The following OOSP3 variants were observed in gnomAD, a reference collection of about 807,000 sequenced individuals.
OOSP3 encodes oocyte secreted protein family member 3, also known as oocyte-secreted protein 3.
intron 2 of OOSP3, among the ~76,000 whole-genome samples, chr11:59,888,598 T>C (rs1853283191): frequency 6.6e-6 from 1 of 152,214 alleles, no homozygotes; most frequent in African/African-American, 2.4e-5. Context: ...ACAAATTATG[T>C]TTATTGATTT....
In OOSP3 at chr11:59,879,362, A is replaced by G. The variant is rs78836875; in HGVS notation, c.73+481A>G. ...CTCCCTAAGTCATAAAGTTGTTATC[A>G]TTAATATTAATAGTTTTATTTGCAT... On this transcript the variant is annotated intron_variant, in intron 1 of 4. Coordinates refer to ENST00000646438, the Ensembl canonical transcript of OOSP3. Among the ~76,000 whole-genome samples, 1,452 of 152,240 alleles carry G rather than the reference A, an allele frequency of 9.5e-3. 23 individuals carry two copies. Among genetic ancestry groups the G allele is most frequent in the African/African-American group, 0.032 (1,347 of 41,542 alleles).
At chr11:59,886,216 A>T (rs1853255779) in intron 2 of OOSP3, among the ~76,000 whole-genome samples, 1 of 152,170 alleles carries the variant, frequency 6.6e-6, no homozygotes, top group Non-Finnish European at 1.5e-5. Flanking sequence ...CCTGCAAAGG[A>T]CATGATCTGA....
chr11:59,892,226 C>T (rs944466492), intron 2 of OOSP3, among the ~76,000 whole-genome samples: 2 of 151,576 alleles, frequency 1.3e-5, no homozygotes, highest in African/African-American at 2.4e-5. Context: ...TGTAGCTCTC[C>T]GGATGGGTAG....
At chr11:59,892,332 C>A (rs1462264810) in intron 2 of OOSP3, among the ~76,000 whole-genome samples, 1 of 152,110 alleles carries the variant, frequency 6.6e-6, no homozygotes, top group Admixed American at 6.6e-5. Context: ...CTTTTTCTTG[C>A]TCTCTGTGGA....
intron 1 of OOSP3, among the ~76,000 whole-genome samples, chr11:59,879,155 A>C (rs1168330773): frequency 6.6e-6 from 1 of 152,110 alleles, no homozygotes; most frequent in Admixed American, 6.6e-5. Flanking sequence ...CTACCTGTGG[A>C]AAAATATTTC....
exon 4 of OOSP3, chr11:59,895,587 C>T: frequency 2.5e-6 from 1 of 398,440 alleles, no homozygotes; most frequent in Admixed American, 4.4e-5. Flanking sequence ...TTCTTATTCT[C>T]CCTGGAACTT....
At chr11:59,893,643 C>T (rs924264700) in intron 2 of OOSP3, among the ~76,000 whole-genome samples, 1 of 152,150 alleles carries the variant, frequency 6.6e-6, no homozygotes, top group Admixed American at 6.5e-5. Context: ...AGGTGTGAGC[C>T]ACCATGCTGG....
At chr11:59,886,915 C>T (rs536928695) in intron 2 of OOSP3, among the ~76,000 whole-genome samples, 11 of 151,892 alleles carry the variant, frequency 7.2e-5, no homozygotes, top group East Asian at 1.9e-4. Flanking sequence ...CTCAGCCTCC[C>T]GAATAGCTGG....
intron 3 of OOSP3, among the ~76,000 whole-genome samples, 185 bp downstream of exon 3, chr11:59,894,361 C>A (rs990758336): frequency 5.3e-5 from 8 of 152,186 alleles, no homozygotes; most frequent in African/African-American, 1.9e-4. Flanking sequence ...TGCCCAAATG[C>A]CCTGGGACCC....
intron 2 of OOSP3, among the ~76,000 whole-genome samples, chr11:59,893,778 G>T (rs890966798): frequency 6.6e-6 from 1 of 151,842 alleles, no homozygotes; most frequent in Non-Finnish European, 1.5e-5. Flanking sequence ...AGCTAAATAT[G>T]AGAAAAAAAA....
chr11:59,881,369 A>G (rs1361386127), intron 2 of OOSP3, among the ~76,000 whole-genome samples: 2 of 152,082 alleles, frequency 1.3e-5, no homozygotes, highest in East Asian at 1.9e-4. Context: ...TCTCAAAAAA[A>G]AAAAAAAAGA....
At chr11:59,890,765 A>T (rs1242710818) in intron 2 of OOSP3, among the ~76,000 whole-genome samples, 2 of 151,954 alleles carry the variant, frequency 1.3e-5, no homozygotes, top group Non-Finnish European at 2.9e-5. Context: ...CTTGGAGTTG[A>T]TCTTCTCATG....
At position 59,884,791 on chromosome 11, in the gene OOSP3, A is replaced by G. The variant is rs1324462874; in HGVS notation, c.252+4352A>G. On this transcript the variant is annotated intron_variant, in intron 2 of 4. Transcript: ENST00000646438. ...AGTGATGGGGTTACAGGCGTGAGCC[A>G]CTGTGCCAGGCCTCATGTCATCTTT... Among the ~76,000 whole-genome samples, 8 of 152,180 alleles carry G rather than the reference A, an allele frequency of 5.3e-5. No homozygotes were observed. In the East Asian group the frequency reaches 1.5e-3, roughly 29 times the overall value.
At chr11:59,894,118 T>A (rs190097194) in exon 3 of OOSP3, 162 of 398,604 alleles carry the variant, frequency 4.1e-4, no homozygotes, top group African/African-American at 2.6e-3. Context: ...AGCACTCCAC[T>A]GTAATATAAT....
chr11:59,889,404 A>G (rs1853290309), intron 2 of OOSP3, among the ~76,000 whole-genome samples: 1 of 151,930 alleles, frequency 6.6e-6, no homozygotes, highest in Non-Finnish European at 1.5e-5. Context: ...TGTTAATTTG[A>G]AATCTTTTCA....
At chr11:59,896,256 C>T (rs1853356799) in exon 5 of OOSP3, 2 of 398,076 alleles carry the variant, frequency 5.0e-6, no homozygotes, top group Middle Eastern at 6.2e-4. Context: ...CTACAGCTTA[C>T]TTAAAATTTA....
At chr11:59,892,753 C>T (rs1192872054) in intron 2 of OOSP3, among the ~76,000 whole-genome samples, 1 of 151,946 alleles carries the variant, frequency 6.6e-6, no homozygotes, top group East Asian at 1.9e-4. Context: ...GAGCTCCAAA[C>T]CATCTATTTC....
At chr11:59,885,353 G>A (rs192218144) in intron 2 of OOSP3, among the ~76,000 whole-genome samples, 43 of 152,188 alleles carry the variant, frequency 2.8e-4, no homozygotes, top group African/African-American at 9.4e-4. Context: ...TTTAAGTTCA[G>A]TGGTACATGT....
chr11:59,895,602 A>C, exon 4 of OOSP3: 1 of 398,464 alleles, frequency 2.5e-6, no homozygotes, highest in Non-Finnish European at 4.4e-6. Context: ...GAACTTAACC[A>C]ACGCTAGCTT....
Sources: allele counts gnomAD v4.1 joint callset (sites outside exome capture counted in the v4.1 genomes callset), GRCh38; gene constraint gnomAD v4.1.1; transcripts MANE v1.5; gene names NCBI Gene and HGNC (gene_info 2026-07-23, HGNC 2026-07-21).